The following MED13L variants were observed in gnomAD, a reference collection of about 807,000 sequenced individuals.
The protein encoded by MED13L is mediator of RNA polymerase II transcription subunit 13-like.
MED13L carries 7 observed loss-of-function variants against 220.9 expected under a neutral mutation model. The ratio of observed to expected loss-of-function variants is 0.03; its 90% CI spans 0.02 to 0.06. The LOEUF (loss-of-function observed/expected upper bound fraction) is 0.06. MED13L is among the 10% of genes least tolerant of loss of function. The pLI, the probability that MED13L is intolerant of heterozygous loss-of-function variation, is 1.00. For missense variants in MED13L, 1,965 were observed against 2,760.5 expected (o/e 0.71, Z 6.46); for synonymous variants, 1,011 against 1,015.2 (o/e 1.00, Z 0.08).
intron 4 of MED13L, among the ~76,000 whole-genome samples, chr12:116,036,004 T>C (rs535410417): frequency 1.3e-5 from 2 of 152,338 alleles, no homozygotes; most frequent in African/African-American, 4.8e-5. Context: ...GGGCTTGTCA[T>C]AATTTACAAC....
intron 2 of MED13L, among the ~76,000 whole-genome samples, chr12:116,141,413 C>G (rs1311016411): frequency 6.6e-6 from 1 of 151,994 alleles, no homozygotes; most frequent in South Asian, 2.1e-4. Context: ...ATAAAATATA[C>G]AAAACGAACT....
At chr12:116,276,385 T>G in intron 1 of MED13L, 1 of 1,253,160 alleles carries the variant, frequency 8.0e-7, no homozygotes. Flanking sequence ...AAAAACAGTT[T>G]TTAAAAGACA....
rs750205633 is a variant in MED13L, at chr12:115,966,280, T to C, written c.6226-37A>G. On this transcript the variant is annotated intron_variant, in intron 28 of 30. Transcript: ENST00000281928. Reference sequence around the variant, plus strand: ...AAATCCCAAAAACATGATCAGCATTTATCTTAAAGCTTGAAAAATGAACTT... The same window carrying C: ...AAATCCCAAAAACATGATCAGCATTCATCTTAAAGCTTGAAAAATGAACTT... 4 of 1,612,492 alleles carry C rather than the reference T, an allele frequency of 2.5e-6. No individual in the cohort carries two copies. In the African/African-American group the frequency reaches 5.3e-5, roughly 22 times the overall value.
At chr12:115,976,079 TA>T (rs1379249320) in intron 23 of MED13L, among the ~76,000 whole-genome samples, 6 of 151,710 alleles carry the variant, frequency 4.0e-5, no homozygotes, top group African/African-American at 1.5e-4. Context: ...ATGTCGAAAA[TA>T]AAAAAAGAGA....
chr12:116,026,556 A>T (rs939594777), intron 4 of MED13L, among the ~76,000 whole-genome samples: 1 of 152,202 alleles, frequency 6.6e-6, no homozygotes, highest in African/African-American at 2.4e-5. Flanking sequence ...CAGGAGGTTT[A>T]GGGTGGGCCC....
At chr12:116,109,599 T>C (rs1261519197) in intron 3 of MED13L, among the ~76,000 whole-genome samples, 2 of 152,222 alleles carry the variant, frequency 1.3e-5, no homozygotes, top group South Asian at 2.1e-4. Context: ...ATAAAAAGAA[T>C]TGTGCTTAAA....
intron 4 of MED13L, among the ~76,000 whole-genome samples, chr12:116,076,906 G>A (rs921583617): frequency 2.0e-5 from 3 of 152,166 alleles, no homozygotes; most frequent in African/African-American, 7.2e-5. Context: ...ATAAAATAAT[G>A]TCTCTGCTAC....
intron 13 of MED13L, among the ~76,000 whole-genome samples, chr12:116,003,603 G>C (rs1209801105): frequency 1.3e-5 from 2 of 149,848 alleles, no homozygotes; most frequent in African/African-American, 4.9e-5. Context: ...TAAAATTATT[G>C]AAATATTCAG....
At chr12:115,973,484 A>G (rs1289417837) in intron 25 of MED13L, among the ~76,000 whole-genome samples, 2 of 152,208 alleles carry the variant, frequency 1.3e-5, no homozygotes, top group African/African-American at 4.8e-5. Flanking sequence ...CCTCTCCACT[A>G]AGAGATAAGG....
chr12:115,997,152 T>C lies in MED13L; in HGVS notation c.2648A>G (p.Tyr883Cys), dbSNP rs777444843. The C allele has an allele frequency of 1.9e-5, 31 of 1,614,042 alleles. 1 individual carries two copies. Among genetic ancestry groups the C allele is most frequent in the Admixed American group, 1.0e-4 (6 of 60,004 alleles). ...QHPAFSPVMN[Y>C]KDGISSETVT... Reference sequence around the variant, plus strand: ...TGTCTCTGAGCTGATCCCATCTTTATAATTCATCACAGGAGAAAATGCAGG... The same window carrying C: ...TGTCTCTGAGCTGATCCCATCTTTACAATTCATCACAGGAGAAAATGCAGG... Residue 883 changes from tyrosine to cysteine, a missense_variant, in exon 15 of 31, where the codon TAT becomes TGT. This residue lies in a region of MED13L where 233 missense variants were observed against 306.2 expected (regional missense o/e 0.76). Coordinates refer to ENST00000281928, the MANE Select transcript of MED13L (RefSeq NM_015335.5).
intron 2 of MED13L, among the ~76,000 whole-genome samples, chr12:116,154,819 T>G (rs888049469): frequency 6.6e-6 from 1 of 152,014 alleles, no homozygotes; most frequent in Non-Finnish European, 1.5e-5. Context: ...AATTGTGTGT[T>G]GATGGTGGTG....
At chr12:115,986,219 C>G (rs769574970) in intron 19 of MED13L, 47 bp downstream of exon 19, 2 of 1,520,862 alleles carry the variant, frequency 1.3e-6, no homozygotes, top group Non-Finnish European at 1.8e-6. Context: ...TATAAACAAT[C>G]AGAGGATCCA....
At position 116,277,403 on chromosome 12, in the gene MED13L, CGCCGCCGCCGCTGCTGCCGCT is replaced by C. The variant is rs1873971414; in HGVS notation, c.-293_-273del. ...TCCGCCTTCCCTGCTCCTCAGCCGCCGCCGCCGCCGCTGCTGCCGCTGCCGCCGCCTTGTTTATCTCCAGCC... is the reference window on the plus strand; with the variant it reads ...TCCGCCTTCCCTGCTCCTCAGCCGCCGCCGCCGCCTTGTTTATCTCCAGCC... On this transcript the variant is annotated 5_prime_UTR_variant, in exon 1 of 31. Coordinates refer to ENST00000281928, the MANE Select transcript of MED13L (RefSeq NM_015335.5). 1 of 157,814 alleles carries C rather than the reference CGCCGCCGCCGCTGCTGCCGCT, an allele frequency of 6.3e-6. No individual in the cohort carries two copies. Among genetic ancestry groups the C allele is most frequent in the South Asian group, 1.7e-4 (1 of 5,780 alleles). 9.8% of individuals were successfully genotyped at this position (157,814 alleles called of 1,614,324 possible).
At chr12:116,072,071 C>G (rs1404648590) in intron 4 of MED13L, among the ~76,000 whole-genome samples, 2 of 152,176 alleles carry the variant, frequency 1.3e-5, no homozygotes, top group Non-Finnish European at 2.9e-5. Context: ...TGTAAAACTT[C>G]CTTTTAACTG....
chr12:116,177,200 G>A (rs949676262), intron 2 of MED13L, among the ~76,000 whole-genome samples: 3 of 151,968 alleles, frequency 2.0e-5, no homozygotes, highest in African/African-American at 4.8e-5. Context: ...AGAACGCTAA[G>A]TCACCTCCCT....
At chr12:116,100,457 G>A (rs1432860049) in intron 3 of MED13L, among the ~76,000 whole-genome samples, 1 of 151,734 alleles carries the variant, frequency 6.6e-6, no homozygotes, top group Non-Finnish European at 1.5e-5. Context: ...AAATTTACCC[G>A]GGTGTTGTGG....
intron 11 of MED13L, chr12:116,007,002 C>T (rs7132048): frequency 0.42 from 107,501 of 253,766 alleles, 23,259 homozygotes; most frequent in South Asian, 0.47. Flanking sequence ...TATATAGGTA[C>T]AGCGCTCAGC....
At chr12:116,178,019 CTT>C (rs918803340) in intron 2 of MED13L, among the ~76,000 whole-genome samples, 1 of 152,042 alleles carries the variant, frequency 6.6e-6, no homozygotes, top group African/African-American at 2.4e-5. Flanking sequence ...CAATACCCCG[CTT>C]TTTTGTTTGC....
intron 3 of MED13L, among the ~76,000 whole-genome samples, chr12:116,097,553 T>C (rs892177862): frequency 2.6e-5 from 4 of 152,218 alleles, no homozygotes; most frequent in African/African-American, 9.6e-5. Context: ...GTGACAAAAA[T>C]ACAGCACAGC....
Sources: allele counts gnomAD v4.1 joint callset (sites outside exome capture counted in the v4.1 genomes callset), GRCh38; gene constraint gnomAD v4.1.1; regional missense constraint gnomAD v4.1.1; transcripts MANE v1.5; gene names NCBI Gene and HGNC (gene_info 2026-07-23, HGNC 2026-07-21).